The following RLF variants were observed in gnomAD, a reference collection of about 807,000 sequenced individuals.
RLF encodes the protein RLF zinc finger, also known as zinc finger protein Rlf.
In RLF, 7 loss-of-function variants were observed where a neutral mutation model predicts 162.9. The observed-to-expected ratio is 0.04, with a 90% CI of 0.02 to 0.08. RLF has a LOEUF of 0.08. Among genes scored for constraint, RLF ranks in the 10% least tolerant of loss-of-function variants. The probability of loss-of-function intolerance (pLI) is 1.00; values close to 1 mark genes in which losing one functional copy is unlikely to be tolerated. For missense variants in RLF, 1,664 were observed against 2,244.7 expected (o/e 0.74, Z 5.23); for synonymous variants, 782 against 791.5 (o/e 0.99, Z 0.20).
intron 6 of RLF, among the ~76,000 whole-genome samples, chr1:40,226,827 C>T (rs116076181): frequency 1.1e-3 from 161 of 152,184 alleles, no homozygotes; most frequent in African/African-American, 3.8e-3. Context: ...TATGTAGAAA[C>T]ACAGAGTGAT....
At chr1:40,195,045 C>T (rs1329892968) in intron 3 of RLF, among the ~76,000 whole-genome samples, 4 of 151,476 alleles carry the variant, frequency 2.6e-5, no homozygotes, top group Admixed American at 6.6e-5. Flanking sequence ...ATTTTGGCCA[C>T]GCTGGTCTTG....
chr1:40,184,800 A>G (rs1417903364), intron 1 of RLF, among the ~76,000 whole-genome samples: 1 of 152,198 alleles, frequency 6.6e-6, no homozygotes, highest in Non-Finnish European at 1.5e-5. Flanking sequence ...ACAGTACAAA[A>G]TAGTAGGTAT....
intron 5 of RLF, among the ~76,000 whole-genome samples, chr1:40,213,895 A>G (rs937551069): frequency 1.3e-5 from 2 of 152,220 alleles, no homozygotes; most frequent in South Asian, 4.1e-4. Context: ...CAGGAAAATA[A>G]CTTAGGAACG....
chr1:40,194,361 G>A (rs1321944065), intron 3 of RLF, among the ~76,000 whole-genome samples: 1 of 152,084 alleles, frequency 6.6e-6, no homozygotes, highest in Non-Finnish European at 1.5e-5. Flanking sequence ...ATAATTAAAT[G>A]GGCACAGTGG....
intron 6 of RLF, among the ~76,000 whole-genome samples, chr1:40,226,901 G>A (rs912063253): frequency 1.1e-4 from 17 of 152,162 alleles, no homozygotes; most frequent in African/African-American, 1.7e-4. Flanking sequence ...TTTTGCTCTT[G>A]TCACCCAGGC....
intron 5 of RLF, among the ~76,000 whole-genome samples, chr1:40,211,581 C>T (rs553068931): frequency 6.6e-6 from 1 of 151,866 alleles, no homozygotes; most frequent in Non-Finnish European, 1.5e-5. Flanking sequence ...TTAAAGGAAC[C>T]CTAGTATCAT....
At chr1:40,178,127 A>T (rs1642352894) in intron 1 of RLF, among the ~76,000 whole-genome samples, 1 of 152,014 alleles carries the variant, frequency 6.6e-6, no homozygotes, top group Non-Finnish European at 1.5e-5. Context: ...ATATATCTAT[A>T]GCTATGTATA....
At chr1:40,196,166 C>G (rs1642633498) in intron 4 of RLF, among the ~76,000 whole-genome samples, 1 of 151,552 alleles carries the variant, frequency 6.6e-6, no homozygotes, top group African/African-American at 2.4e-5. Context: ...ACCTCTGCCT[C>G]CAGTGTTGAA....
intron 5 of RLF, among the ~76,000 whole-genome samples, chr1:40,221,744 TA>T (rs1199119802): frequency 2.0e-5 from 3 of 151,190 alleles, no homozygotes; most frequent in African/African-American, 7.3e-5. Flanking sequence ...ACTAAAAATA[TA>T]AAAAATTAGC....
At chr1:40,221,362 A>G (rs1420377954) in intron 5 of RLF, among the ~76,000 whole-genome samples, 3 of 152,166 alleles carry the variant, frequency 2.0e-5, no homozygotes, top group Admixed American at 2.0e-4. Flanking sequence ...TATTTGAAAA[A>G]ATAAAAGTTC....
chr1:40,184,044 C>G (rs1642440359), intron 1 of RLF, among the ~76,000 whole-genome samples: 1 of 151,958 alleles, frequency 6.6e-6, no homozygotes, highest in South Asian at 2.1e-4. Flanking sequence ...CTGCCAAGCT[C>G]CTTGAAACCA....
chr1:40,187,060 T>A (rs1642491559), intron 1 of RLF, among the ~76,000 whole-genome samples: 1 of 148,306 alleles, frequency 6.7e-6, no homozygotes, highest in South Asian at 2.1e-4. Context: ...TTTGAGACAG[T>A]CTTGCTGTGT....
At chr1:40,235,176 C>T (rs1254839398) in intron 7 of RLF, among the ~76,000 whole-genome samples, 2 of 150,250 alleles carry the variant, frequency 1.3e-5, no homozygotes, top group East Asian at 2.0e-4. Context: ...GATTCTGCTG[C>T]CTCAGCCTCC....
At chr1:40,231,698 GA>G in intron 7 of RLF, 40 bp downstream of exon 7, 1 of 1,550,436 alleles carries the variant, frequency 6.4e-7, no homozygotes, top group Non-Finnish European at 8.7e-7. Flanking sequence ...GTAGCTGGAG[GA>G]AAGAAATGAG....
intron 6 of RLF, among the ~76,000 whole-genome samples, chr1:40,227,723 G>A (rs1297161546): frequency 6.6e-6 from 1 of 152,154 alleles, no homozygotes; most frequent in Non-Finnish European, 1.5e-5. Flanking sequence ...TTATTTGAGT[G>A]GCCAGGCATG....
chr1:40,204,858 G>GA lies in RLF; in HGVS notation c.810+2251dup, dbSNP rs1172786832. Among the ~76,000 whole-genome samples, 20 of 152,148 alleles carry GA rather than the reference G, an allele frequency of 1.3e-4. No homozygotes were observed. In the East Asian group the frequency reaches 3.7e-3, roughly 28 times the overall value. On this transcript the variant is annotated intron_variant, in intron 5 of 7. Transcript: ENST00000372771. Reference sequence around the variant, plus strand: ...GCTGAACTTAACTCCCTATTTCTCTGAAAAAAATTGAAGCGCTGAGAAGAT... The same window carrying GA: ...GCTGAACTTAACTCCCTATTTCTCTGAAAAAAAATTGAAGCGCTGAGAAGAT...
chr1:40,169,564 C>A lies in RLF; in HGVS notation c.237+7928C>A, dbSNP rs1411352130. On this transcript the variant is annotated intron_variant, in intron 1 of 7. Coordinates refer to ENST00000372771, the MANE Select transcript of RLF (RefSeq NM_012421.4). ...CCGGGAGGCGGAGCTTGCAGTGAGCCGAGATTGCGCCACTGCAGTCCGCAG... is the reference window on the plus strand; with the variant it reads ...CCGGGAGGCGGAGCTTGCAGTGAGCAGAGATTGCGCCACTGCAGTCCGCAG... 3.0e-5 allele frequency among the ~76,000 whole-genome samples: 4 copies of A among 132,978 alleles called. No homozygotes were observed. The Admixed American group carries it at 3.3e-4, about 11-fold the overall frequency. 87.2% of individuals were successfully genotyped at this position (132,978 alleles called of 152,430 possible).
At chr1:40,235,453 C>T (rs955639864) in intron 7 of RLF, among the ~76,000 whole-genome samples, 1 of 152,160 alleles carries the variant, frequency 6.6e-6, no homozygotes, top group South Asian at 2.1e-4. Context: ...CAACATCATT[C>T]TATTTTGAAT....
rs567672312 is a variant in RLF, at chr1:40,186,120, C to T, written c.238-2935C>T. On this transcript the variant is annotated intron_variant, in intron 1 of 7. Coordinates refer to ENST00000372771, the MANE Select transcript of RLF (RefSeq NM_012421.4). Reference sequence around the variant, plus strand: ...TTGCAGTGAGCCGAGATTTCACCACCGCACCCCAACCTGGGTGACAGAGTG... The same window carrying T: ...TTGCAGTGAGCCGAGATTTCACCACTGCACCCCAACCTGGGTGACAGAGTG... Among the ~76,000 whole-genome samples the T allele has an allele frequency of 9.2e-5, 14 of 151,802 alleles. No individual in the cohort carries two copies. In the East Asian group the frequency reaches 2.3e-3, roughly 25 times the overall value.
Sources: gnomAD v4.1 joint callset for allele counts (sites outside exome capture counted in the v4.1 genomes callset) on GRCh38, gnomAD v4.1.1 for gene constraint, MANE v1.5 for transcripts, NCBI Gene and HGNC (gene_info 2026-07-23, HGNC 2026-07-21) for gene names.